ASZ1: variants seen among roughly 807,000 people sequenced by gnomAD.
ASZ1 encodes ankyrin repeat, SAM and basic leucine zipper domain-containing protein 1.
ASZ1 carries 67 observed loss-of-function variants against 61.8 expected under a neutral mutation model. That is an observed-to-expected ratio of 1.08 (90% confidence interval 0.89 to 1.33). The LOEUF is 1.33. Among genes scored for constraint, ASZ1 ranks in the 40% most tolerant of loss-of-function variants. The pLI, the probability that ASZ1 is intolerant of heterozygous loss-of-function variation, is 0.00. For synonymous variants in ASZ1, 193 were observed against 192.7 expected (o/e 1.00, Z -0.01); for missense variants, 577 against 554.5 (o/e 1.04, Z -0.41).
chr7:117,388,530 C>T (rs75150604), intron 4 of ASZ1, among the ~76,000 whole-genome samples: 3,193 of 151,910 alleles, frequency 0.021, 112 homozygotes, highest in African/African-American at 0.073. Flanking sequence ...ACCATATTAA[C>T]AAACTAAAAA....
At chr7:117,422,641 GCTAC>G (rs1432144319) in intron 2 of ASZ1, among the ~76,000 whole-genome samples, 3 of 152,066 alleles carry the variant, frequency 2.0e-5, no homozygotes, top group African/African-American at 7.2e-5. Context: ...GTTTTTACAT[GCTAC>G]CTTTTTTTTC....
intron 4 of ASZ1, among the ~76,000 whole-genome samples, chr7:117,390,955 G>T (rs1464657898): frequency 2.0e-5 from 3 of 152,070 alleles, no homozygotes; most frequent in African/African-American, 7.2e-5. Flanking sequence ...ACCTTCCTTG[G>T]CCTCCCAAAA....
At chr7:117,384,593 A>G (rs903888405) in intron 6 of ASZ1, 133 bp downstream of exon 6, 21 of 1,050,456 alleles carry the variant, frequency 2.0e-5, no homozygotes, top group Non-Finnish European at 2.6e-5. Flanking sequence ...GAGGAAAGAT[A>G]CATATTTAAA....
chr7:117,384,254 G>A lies in ASZ1; in HGVS notation c.687+472C>T, dbSNP rs563252752. Among the ~76,000 whole-genome samples, 33 of 152,082 alleles carry A rather than the reference G, an allele frequency of 2.2e-4. No homozygotes were observed. The South Asian group carries it at 6.6e-3, about 31-fold the overall frequency. ...TCTGAATGACAGATTATACATCCAGGTATATTATCACTTTATCGTAAGCCC... is the reference window on the plus strand; with the variant it reads ...TCTGAATGACAGATTATACATCCAGATATATTATCACTTTATCGTAAGCCC... On this transcript the variant is annotated intron_variant, in intron 6 of 12. Transcript: ENST00000284629.
intron 2 of ASZ1, among the ~76,000 whole-genome samples, chr7:117,425,624 G>T (rs199800145): frequency 2.0e-5 from 3 of 149,188 alleles, no homozygotes; most frequent in African/African-American, 7.4e-5. Flanking sequence ...GTAATTTAAA[G>T]TTTTTTTTTT....
chr7:117,366,552 T>G (rs767941193), intron 12 of ASZ1, among the ~76,000 whole-genome samples: 84 of 152,072 alleles, frequency 5.5e-4, no homozygotes, highest in Admixed American at 1.8e-3. Flanking sequence ...TTTTCTTTAT[T>G]ATCCATCTCC....
chr7:117,414,620 C>T (rs2116524837), intron 4 of ASZ1, among the ~76,000 whole-genome samples: 2 of 152,298 alleles, frequency 1.3e-5, no homozygotes, highest in Admixed American at 1.3e-4. Context: ...TCTCCTAATG[C>T]TATCCCTCTC....
chr7:117,367,940 G>T, intron 11 of ASZ1: 1 of 905,460 alleles, frequency 1.1e-6, no homozygotes, highest in Non-Finnish European at 1.3e-6. Context: ...GGAGTGCAGT[G>T]GTGCAATCAT....
At chr7:117,416,330 G>C (rs1217657049) in intron 4 of ASZ1, among the ~76,000 whole-genome samples, 4 of 152,168 alleles carry the variant, frequency 2.6e-5, no homozygotes, top group Non-Finnish European at 5.9e-5. Flanking sequence ...CCTTAGCATA[G>C]AGCCTAAATA....
At chr7:117,421,720 A>G (rs1797102752) in intron 3 of ASZ1, among the ~76,000 whole-genome samples, 1 of 152,186 alleles carries the variant, frequency 6.6e-6, no homozygotes, top group East Asian at 1.9e-4. Context: ...TCTATTGAAA[A>G]TATGTTAAAA....
chr7:117,386,504 C>T (rs911446803), intron 4 of ASZ1, among the ~76,000 whole-genome samples: 34 of 152,142 alleles, frequency 2.2e-4, no homozygotes, highest in Admixed American at 6.6e-5. Context: ...TGGGCCTATT[C>T]CAAGGACACC....
intron 10 of ASZ1, among the ~76,000 whole-genome samples, chr7:117,374,684 C>A (rs1177423779): frequency 6.6e-6 from 1 of 151,740 alleles, no homozygotes; most frequent in Non-Finnish European, 1.5e-5. Context: ...AAAAAGAAAA[C>A]TTAGAAAAGA....
intron 2 of ASZ1, among the ~76,000 whole-genome samples, chr7:117,425,259 CTTTTTTT>C (rs71148368): frequency 1.3e-3 from 123 of 93,880 alleles, no homozygotes; most frequent in African/African-American, 3.4e-3. Flanking sequence ...TGAGTAATTT[CTTTTTTT>C]TTTTTTTTTT....
At chr7:117,425,202 C>T (rs1403688361) in intron 2 of ASZ1, among the ~76,000 whole-genome samples, 3 of 151,278 alleles carry the variant, frequency 2.0e-5, no homozygotes, top group Non-Finnish European at 2.9e-5. Flanking sequence ...ATGGCAAAAA[C>T]CACAATTATT....
intron 10 of ASZ1, among the ~76,000 whole-genome samples, chr7:117,370,804 TTGTGTGTGTGTG>T (rs3138784): frequency 5.9e-4 from 79 of 133,302 alleles, no homozygotes; most frequent in Middle Eastern, 3.9e-3. Context: ...CCAAAGGTAA[TTGTGTGTGTGTG>T]TGTGTGTGTG....
chr7:117,415,908 G>A (rs1311840149), intron 4 of ASZ1, among the ~76,000 whole-genome samples: 5 of 152,064 alleles, frequency 3.3e-5, no homozygotes, highest in African/African-American at 1.2e-4. Flanking sequence ...ATAAAGGAGT[G>A]GGCCAGGCGC....
intron 1 of ASZ1, 138 bp from the exon 2 acceptor site, chr7:117,427,073 A>G: frequency 9.7e-7 from 1 of 1,030,006 alleles, no homozygotes. Context: ...GTTTGAAAAG[A>G]ATTCGTGTCG....
At chr7:117,422,179 C>G in intron 3 of ASZ1, 58 bp downstream of exon 3, 1 of 1,565,640 alleles carries the variant, frequency 6.4e-7, no homozygotes, top group Non-Finnish European at 8.6e-7. Flanking sequence ...ATAATAGCTA[C>G]TTGGAAACCA....
chr7:117,363,804 A>G, intron 12 of ASZ1, 56 bp from the exon 13 acceptor site: 1 of 1,309,062 alleles, frequency 7.6e-7, no homozygotes, highest in Middle Eastern at 2.3e-4. Flanking sequence ...CATTAATAAA[A>G]CATTTTGATT....
Sources: allele counts gnomAD v4.1 joint callset (sites outside exome capture counted in the v4.1 genomes callset), GRCh38; gene constraint gnomAD v4.1.1; transcripts MANE v1.5; gene names NCBI Gene and HGNC (gene_info 2026-07-23, HGNC 2026-07-21).